Variants in ERC1 observed in about 807,000 individuals in gnomAD.
ERC1 encodes ELKS/RAB6-interacting/CAST family member 1, also known as RAB6 interacting protein 2.
Under a neutral mutation model 132.0 loss-of-function variants are expected in ERC1, and 56 were observed. That is an observed-to-expected ratio of 0.42 (90% CI 0.34 to 0.53). ERC1 has a LOEUF of 0.53. Ranked by LOEUF, ERC1 falls within the 20% of genes least tolerant of loss-of-function variation. The pLI is 0.03. For missense variants in ERC1, 1,202 were observed against 1,349.9 expected, an observed-to-expected ratio of 0.89 and a Z score of 1.72; for synonymous variants, 478 against 476.1, an observed-to-expected ratio of 1.00 and a Z score of -0.05.
intron 14 of ERC1, among the ~76,000 whole-genome samples, chr12:1,273,630 A>G (rs998277868): frequency 6.6e-5 from 10 of 152,082 alleles, no homozygotes; most frequent in African/African-American, 2.4e-4. Flanking sequence ...TGAAAAACTG[A>G]TATTTTGCTT....
rs536898607 is a variant in ERC1 at position 1,022,021 on chromosome 12, A to G, written c.-156-5727A>G. 5.3e-5 allele frequency among the ~76,000 whole-genome samples: 8 copies of G among 152,336 alleles called. No individual in the cohort carries two copies. The South Asian group carries it at 1.4e-3, about 28-fold the overall frequency. The stretch of plus-strand genomic sequence containing the variant: ...TTACTTATGTTTACTTTAGTGTGAT[A>G]CACTGTGAAAATAAGCTATACATTT... On this transcript the variant is annotated intron_variant, in intron 1 of 18. Transcript: ENST00000360905.
intron 17 of ERC1, among the ~76,000 whole-genome samples, chr12:1,419,661 A>G (rs2092342221): frequency 6.6e-6 from 1 of 152,020 alleles, no homozygotes; most frequent in African/African-American, 2.4e-5. Context: ...GGAGGAAATG[A>G]GGAATTGTCG....
chr12:1,179,500 C>CTTTTTT lies in ERC1; in HGVS notation c.1738-1020_1738-1015dup, dbSNP rs58317880. On this transcript the variant is annotated intron_variant, in intron 8 of 18. Coordinates refer to ENST00000360905, the MANE Select transcript of ERC1 (RefSeq NM_178040.4). Reference sequence around the variant, plus strand: ...AATAAAAATGAGTCTATTCATTTTTCTTTTTTTTTTTTTTTTTTTTTTTTT... The same window carrying CTTTTTT: ...AATAAAAATGAGTCTATTCATTTTTCTTTTTTTTTTTTTTTTTTTTTTTTTTTTTTT... Among the ~76,000 whole-genome samples, 421 of 95,750 alleles carry CTTTTTT rather than the reference C, an allele frequency of 4.4e-3. 1 individual carries two copies. Among genetic ancestry groups the CTTTTTT allele is most frequent in the Non-Finnish European group, 5.7e-3 (292 of 51,284 alleles). The allele number at this position is 95,750 out of a possible 152,430, so 62.8% of individuals were successfully genotyped here. A position where few individuals can be genotyped will look rare whatever the true frequency, so the allele number is the denominator to read the frequency against.
intron 2 of ERC1, among the ~76,000 whole-genome samples, chr12:1,078,748 A>G (rs1443635109): frequency 6.6e-6 from 1 of 152,192 alleles, no homozygotes; most frequent in African/African-American, 2.4e-5. Context: ...CAAAATGGGC[A>G]AAGAACAAGG....
At chr12:1,390,981 G>A (rs949635806) in intron 16 of ERC1, 2 of 152,242 alleles carry the variant, frequency 1.3e-5, no homozygotes, top group Non-Finnish European at 2.9e-5. Context: ...CCCAGCAGTA[G>A]TCCAGCTATG....
intron 16 of ERC1, among the ~76,000 whole-genome samples, chr12:1,381,592 C>T (rs2088673910): frequency 6.6e-6 from 1 of 152,126 alleles, no homozygotes; most frequent in South Asian, 2.1e-4. Context: ...ATATTAAGTA[C>T]TCAAATATAT....
At chr12:1,289,057 C>A (rs2079229510) in intron 14 of ERC1, among the ~76,000 whole-genome samples, 1 of 132,712 alleles carries the variant, frequency 7.5e-6, no homozygotes. Context: ...ATTTTTAAAG[C>A]ATTCTGTCTC....
intron 3 of ERC1, 28 bp downstream of exon 3, chr12:1,083,608 A>G (rs773451270): frequency 6.5e-7 from 1 of 1,527,882 alleles, no homozygotes; most frequent in Non-Finnish European, 8.8e-7. Flanking sequence ...TAGTTTTATG[A>G]TTTGTTGGTT....
At chr12:1,308,585 CCTAACAGTTT>C (rs1318704097) in intron 15 of ERC1, among the ~76,000 whole-genome samples, 1 of 152,072 alleles carries the variant, frequency 6.6e-6, no homozygotes, top group African/African-American at 2.4e-5. Context: ...CTTAACAGTT[CCTAACAGTTT>C]GTTGTGTTCC....
At chr12:1,132,090 A>G (rs1295909601) in intron 7 of ERC1, among the ~76,000 whole-genome samples, 2 of 152,210 alleles carry the variant, frequency 1.3e-5, no homozygotes, top group African/African-American at 4.8e-5. Context: ...AAATTATACT[A>G]CAAATTTAGT....
chr12:1,457,613 A>G (rs1005046502), intron 18 of ERC1, among the ~76,000 whole-genome samples: 3 of 152,202 alleles, frequency 2.0e-5, no homozygotes, highest in African/African-American at 4.8e-5. Flanking sequence ...TAGTTGTCTC[A>G]ACCATTTTTT....
chr12:1,254,291 G>T (rs1461604594), intron 13 of ERC1, among the ~76,000 whole-genome samples: 3 of 152,140 alleles, frequency 2.0e-5, no homozygotes, highest in African/African-American at 4.8e-5. Flanking sequence ...AATTGTTTAA[G>T]CAGAGTAAAA....
chr12:1,006,476 C>T (rs1190639584), intron 1 of ERC1, among the ~76,000 whole-genome samples: 1 of 152,022 alleles, frequency 6.6e-6, no homozygotes, highest in Non-Finnish European at 1.5e-5. Flanking sequence ...CTTGACCTTC[C>T]ACTCCTAAGT....
At chr12:1,215,663 A>G (rs544094811) in intron 12 of ERC1, among the ~76,000 whole-genome samples, 2 of 152,320 alleles carry the variant, frequency 1.3e-5, no homozygotes, top group East Asian at 1.9e-4. Flanking sequence ...AGCTTTGCCA[A>G]GATACTGCCA....
At chr12:1,394,023 A>AAAAC (rs2090238758) in intron 16 of ERC1, among the ~76,000 whole-genome samples, 1 of 105,990 alleles carries the variant, frequency 9.4e-6, no homozygotes, top group African/African-American at 4.6e-5. Flanking sequence ...CTCAAAAAAA[A>AAAAC]AAAAAAAAAA....
At chr12:1,293,750 A>G (rs762923528) in intron 15 of ERC1, among the ~76,000 whole-genome samples, 5 of 152,184 alleles carry the variant, frequency 3.3e-5, no homozygotes, top group African/African-American at 4.8e-5. Context: ...ATATCCTAGT[A>G]ACAATTTAGG....
At chr12:1,035,287 A>T (rs1188638173) in intron 2 of ERC1, among the ~76,000 whole-genome samples, 1 of 152,238 alleles carries the variant, frequency 6.6e-6, no homozygotes, top group Non-Finnish European at 1.5e-5. Flanking sequence ...CTGGGGATTT[A>T]GGTCCATTCT....
intron 8 of ERC1, among the ~76,000 whole-genome samples, chr12:1,149,845 T>C (rs1466408309): frequency 1.3e-5 from 2 of 152,200 alleles, no homozygotes; most frequent in Non-Finnish European, 2.9e-5. Flanking sequence ...TTATTATTCT[T>C]TAGTTTTCAT....
intron 18 of ERC1, among the ~76,000 whole-genome samples, chr12:1,477,529 G>A (rs1280441232): frequency 6.6e-6 from 1 of 152,164 alleles, no homozygotes; most frequent in Non-Finnish European, 1.5e-5. Flanking sequence ...TGTGGGTGTT[G>A]GGGGCCTCTA....
Sources: gnomAD v4.1 joint callset for allele counts (sites outside exome capture counted in the v4.1 genomes callset) on GRCh38, gnomAD v4.1.1 for gene constraint, MANE v1.5 for transcripts, NCBI Gene and HGNC (gene_info 2026-07-23, HGNC 2026-07-21) for gene names.